Variants in PTPRD observed in about 807,000 individuals in gnomAD.
PTPRD encodes protein tyrosine phosphatase receptor type D, also known as receptor-type tyrosine-protein phosphatase delta.
A neutral mutation model predicts 214.5 loss-of-function variants in PTPRD; 34 were observed. That is an observed-to-expected ratio of 0.16 (90% CI 0.12 to 0.21). The LOEUF is 0.21. Ranked by LOEUF, PTPRD falls within the 10% of genes least tolerant of loss-of-function variation. The pLI is 1.00. For missense variants in PTPRD, 2,545 were observed against 2,398.7 expected, an observed-to-expected ratio of 1.06 and a Z score of -1.27; for synonymous variants, 1,128 against 845.7, an observed-to-expected ratio of 1.33 and a Z score of -5.79.
intron 2 of PTPRD, among the ~76,000 whole-genome samples, chr9:10,513,739 T>C (rs1589828292): frequency 6.6e-6 from 1 of 152,160 alleles, no homozygotes; most frequent in African/African-American, 2.4e-5. Flanking sequence ...ACTGTGGCAG[T>C]AGTCAATGAT....
chr9:8,637,472 T>C (rs1481491765), intron 12 of PTPRD, among the ~76,000 whole-genome samples: 2 of 152,136 alleles, frequency 1.3e-5, no homozygotes, highest in East Asian at 3.9e-4. Flanking sequence ...GCCTCCAAAG[T>C]CATAGTAAAG....
chr9:10,255,944 A>T (rs1416202244), intron 3 of PTPRD, among the ~76,000 whole-genome samples: 1 of 152,204 alleles, frequency 6.6e-6, no homozygotes, highest in Non-Finnish European at 1.5e-5. Context: ...GTTAGGAACC[A>T]GGTTGCACAG....
intron 9 of PTPRD, among the ~76,000 whole-genome samples, chr9:9,304,839 C>T (rs1930630): frequency 0.77 from 116,345 of 150,186 alleles, 45,569 homozygotes; most frequent in East Asian, 0.91. Flanking sequence ...CACCCTCCAA[C>T]GTTCTTGGTG....
At chr9:9,470,913 T>G (rs1253404016) in intron 8 of PTPRD, among the ~76,000 whole-genome samples, 1 of 152,204 alleles carries the variant, frequency 6.6e-6, no homozygotes, top group Non-Finnish European at 1.5e-5. Context: ...TCTTCAATCA[T>G]AAATGATTGG....
chr9:8,598,123 C>G (rs938188450), intron 14 of PTPRD, among the ~76,000 whole-genome samples: 32 of 152,084 alleles, frequency 2.1e-4, no homozygotes, highest in African/African-American at 7.7e-4. Context: ...CAGTATTTAT[C>G]TGAGTCACTG....
chr9:9,139,559 G>T (rs376332002), intron 10 of PTPRD, among the ~76,000 whole-genome samples: 1 of 152,124 alleles, frequency 6.6e-6, no homozygotes, highest in Admixed American at 6.6e-5. Context: ...GTCGAGGGTG[G>T]CTACTAAGTG....
chr9:8,463,243 G>C (rs944087113), intron 32 of PTPRD, among the ~76,000 whole-genome samples: 1 of 124,988 alleles, frequency 8.0e-6, no homozygotes, highest in Non-Finnish European at 1.6e-5. Context: ...TAGATTTGCA[G>C]ATTTTCTAAC....
At chr9:10,046,871 C>T (rs138655467) in intron 3 of PTPRD, among the ~76,000 whole-genome samples, 18 of 152,100 alleles carry the variant, frequency 1.2e-4, no homozygotes, top group African/African-American at 4.1e-4. Flanking sequence ...AGTCTCAAAA[C>T]ATCACGACAC....
intron 7 of PTPRD, among the ~76,000 whole-genome samples, chr9:9,732,712 C>G (rs1248128833): frequency 6.6e-6 from 1 of 152,074 alleles, no homozygotes; most frequent in Non-Finnish European, 1.5e-5. Context: ...GCAGAAAGTG[C>G]TGAGGGAGAT....
chr9:10,253,434 A>G (rs1328297087), intron 3 of PTPRD, among the ~76,000 whole-genome samples: 1 of 152,256 alleles, frequency 6.6e-6, no homozygotes, highest in Non-Finnish European at 1.5e-5. Context: ...ATTGCCCAGA[A>G]ACTTTGATGG....
chr9:8,452,587 T>C (rs2096003736), intron 33 of PTPRD, among the ~76,000 whole-genome samples: 1 of 152,240 alleles, frequency 6.6e-6, no homozygotes, highest in Non-Finnish European at 1.5e-5. Flanking sequence ...AAATTTTGCC[T>C]TGCTCTATTT....
chr9:10,250,589 A>G (rs541263539), intron 3 of PTPRD, among the ~76,000 whole-genome samples: 5 of 152,116 alleles, frequency 3.3e-5, no homozygotes, highest in African/African-American at 1.2e-4. Flanking sequence ...TCCTTTGATC[A>G]ATCAACAAAC....
At position 9,478,735 on chromosome 9, in the gene PTPRD, A is replaced by G. The variant is rs12347082; in HGVS notation, c.-236-81253T>C. On this transcript the variant is annotated intron_variant, in intron 8 of 45. Coordinates refer to ENST00000381196, the MANE Select transcript of PTPRD (RefSeq NM_002839.4). The stretch of plus-strand genomic sequence containing the variant: ...AATCTTTTTAAAAATTTGATGCTCA[A>G]AATGTTGAAAAAAAATTTTAAAACC... Among the ~76,000 whole-genome samples the G allele has an allele frequency of 3.9e-5, 6 of 152,178 alleles. No homozygotes were observed. In the South Asian group the frequency reaches 1.2e-3, roughly 32 times the overall value.
At chr9:9,162,588 C>G (rs2099892177) in intron 10 of PTPRD, among the ~76,000 whole-genome samples, 1 of 152,020 alleles carries the variant, frequency 6.6e-6, no homozygotes, top group African/African-American at 2.4e-5. Context: ...ACTGTAAATT[C>G]TCCACCCTCC....
chr9:9,615,731 G>C (rs2094819988), intron 7 of PTPRD, among the ~76,000 whole-genome samples: 1 of 152,076 alleles, frequency 6.6e-6, no homozygotes, highest in South Asian at 2.1e-4. Flanking sequence ...CTTTGTGCCA[G>C]GCTCTTTACA....
intron 11 of PTPRD, among the ~76,000 whole-genome samples, chr9:8,996,742 T>C (rs556411589): frequency 6.6e-6 from 1 of 152,032 alleles, no homozygotes; most frequent in Non-Finnish European, 1.5e-5. Context: ...AGTAATTCCT[T>C]TAGCCAAACA....
intron 9 of PTPRD, among the ~76,000 whole-genome samples, chr9:9,329,445 T>C (rs2041474532): frequency 6.6e-6 from 1 of 152,156 alleles, no homozygotes; most frequent in Non-Finnish European, 1.5e-5. Context: ...AGACACTAGA[T>C]AATGTTCTTA....
chr9:9,549,671 G>T (rs1258057949), intron 8 of PTPRD, among the ~76,000 whole-genome samples: 1 of 152,064 alleles, frequency 6.6e-6, no homozygotes, highest in Non-Finnish European at 1.5e-5. Context: ...TTTTTGACAA[G>T]GAGATAAAAG....
chr9:10,383,240 A>G (rs1466515312), intron 2 of PTPRD, among the ~76,000 whole-genome samples: 1 of 151,916 alleles, frequency 6.6e-6, no homozygotes, highest in Non-Finnish European at 1.5e-5. Flanking sequence ...CTTATCAGAT[A>G]AAATGTAACT....
Sources: allele counts gnomAD v4.1 joint callset (sites outside exome capture counted in the v4.1 genomes callset), GRCh38; gene constraint gnomAD v4.1.1; transcripts MANE v1.5; gene names NCBI Gene and HGNC (gene_info 2026-07-23, HGNC 2026-07-21).